The following ASTN1 variants were observed in gnomAD, a reference collection of about 807,000 sequenced individuals.
ASTN1 encodes astrotactin 1.
ASTN1 carries 41 observed loss-of-function variants against 140.7 expected under a neutral mutation model. That is an observed-to-expected ratio of 0.29 (90% CI 0.23 to 0.38). The LOEUF (loss-of-function observed/expected upper bound fraction) is 0.38, where lower values mean the gene tolerates loss of function less well. Ranked by LOEUF, ASTN1 falls within the 10% of genes least tolerant of loss-of-function variation. The pLI is 1.00. For missense variants in ASTN1, 1,479 were observed against 1,678.8 expected, an observed-to-expected ratio of 0.88 and a Z score of 2.08; for synonymous variants, 640 against 652.2, an observed-to-expected ratio of 0.98 and a Z score of 0.29.
Position 177,164,710 on chromosome 1 carries a change from G to C in ASTN1, c.-34C>G, listed in dbSNP as rs1348177468. ...CCGGCCGCCTTCCTCCTAGCGCTGC[G>C]ATGGTGGGGGAGGAAGCGAGCGGGG... On this transcript the variant is annotated 5_prime_UTR_variant, in exon 1 of 23. In the 5' UTR this introduces an upstream ATG that the reference lacks. Coordinates refer to ENST00000361833, the MANE Select transcript of ASTN1 (RefSeq NM_004319.3). 1.3e-6 allele frequency: 2 copies of C among 1,511,926 alleles called. No homozygotes were observed. The highest frequency in any genetic ancestry group is 2.8e-5 in the African/African-American group (2 of 71,310). 93.7% of individuals were successfully genotyped at this position (1,511,926 alleles called of 1,614,324 possible).
Position 177,164,626 on chromosome 1 carries a change from C to T in ASTN1, c.51G>A (p.Ala17=), listed in dbSNP as rs968092162. ...CALLACCWGP[A]AVLATAAGDV... is the part of the protein sequence containing the mutation. ...CGCCGGCGGCCGTGGCCAGCACCGC[C>T]GCCGGCCCCCAGCAGCAGGCGAGCA... The change falls in exon 1 of 23, where the codon GCG becomes GCA. Residue 17 remains alanine, a synonymous_variant. Transcript: ENST00000361833. 10 of 1,608,598 alleles carry T rather than the reference C, an allele frequency of 6.2e-6. No individual in the cohort carries two copies. In the Admixed American group the frequency reaches 6.8e-5, roughly 11 times the overall value.
chr1:176,979,655 G>C (rs537444399), intron 8 of ASTN1, among the ~76,000 whole-genome samples: 1 of 152,038 alleles, frequency 6.6e-6, no homozygotes, highest in Admixed American at 6.5e-5. Flanking sequence ...AGCAGCATGC[G>C]GCAGAGTTCA....
intron 20 of ASTN1, among the ~76,000 whole-genome samples, chr1:176,879,324 T>C (rs372302103): frequency 7.2e-5 from 11 of 152,236 alleles, no homozygotes; most frequent in Non-Finnish European, 1.5e-4. Flanking sequence ...GCCCTGAGCA[T>C]GGTGTTGGAA....
intron 4 of ASTN1, among the ~76,000 whole-genome samples, chr1:177,030,118 G>T (rs1228213277): frequency 6.6e-6 from 1 of 152,198 alleles, no homozygotes; most frequent in African/African-American, 2.4e-5. Flanking sequence ...ACATCTTTGT[G>T]TTTTTTCTGG....
intron 1 of ASTN1, among the ~76,000 whole-genome samples, chr1:177,138,291 A>T (rs137977977): frequency 9.3e-4 from 142 of 152,240 alleles, no homozygotes; most frequent in African/African-American, 3.3e-3. Flanking sequence ...GATGCTAGAG[A>T]TCTCTTATCA....
At chr1:176,934,723 C>T (rs75150898) in intron 15 of ASTN1, among the ~76,000 whole-genome samples, 2,360 of 151,536 alleles carry the variant, frequency 0.016, 58 homozygotes, top group African/African-American at 0.051. Flanking sequence ...AACAGAAACA[C>T]AAATACCAGC....
At chr1:177,030,674 G>C in intron 4 of ASTN1, 132 bp downstream of exon 4, 1 of 1,243,360 alleles carries the variant, frequency 8.0e-7, no homozygotes, top group Non-Finnish European at 1.1e-6. Flanking sequence ...CATTTAACTG[G>C]CCTCCAGAAA....
intron 8 of ASTN1, among the ~76,000 whole-genome samples, chr1:177,005,345 G>A (rs1048454472): frequency 1.3e-5 from 2 of 152,128 alleles, no homozygotes; most frequent in Non-Finnish European, 2.9e-5. Flanking sequence ...GCATGGATGT[G>A]GTGAAAAAGG....
chr1:177,159,066 CAAAAAAAAAA>C (rs57759902), intron 1 of ASTN1, among the ~76,000 whole-genome samples: 1 of 74,650 alleles, frequency 1.3e-5, no homozygotes, highest in East Asian at 3.6e-4. Context: ...GGATCCATCT[CAAAAAAAAAA>C]AAAAAAAAAA....
At chr1:177,082,934 C>T (rs928346315) in intron 1 of ASTN1, among the ~76,000 whole-genome samples, 1 of 152,194 alleles carries the variant, frequency 6.6e-6, no homozygotes, top group Admixed American at 6.5e-5. Context: ...TATTTTTCTA[C>T]ATCCTGTCTG....
chr1:177,144,654 C>T (rs569634101), intron 1 of ASTN1, among the ~76,000 whole-genome samples: 1 of 149,972 alleles, frequency 6.7e-6, no homozygotes, highest in Admixed American at 6.7e-5. Context: ...GGAACCACAG[C>T]TTTAAAATTT....
At chr1:176,884,530 C>G in intron 18 of ASTN1, 40 bp from the exon 19 acceptor site, 1 of 1,575,494 alleles carries the variant, frequency 6.3e-7, no homozygotes, top group Admixed American at 1.7e-5. Context: ...AGGGACACAA[C>G]TGTGACTCAC....
At chr1:177,114,877 T>C (rs955917393) in intron 1 of ASTN1, among the ~76,000 whole-genome samples, 1 of 152,198 alleles carries the variant, frequency 6.6e-6, no homozygotes, top group Non-Finnish European at 1.5e-5. Context: ...ATGATGACCA[T>C]GAACTTTTCC....
Position 176,861,660 on chromosome 1 carries a change from G to T in ASTN1, c.*2624C>A. ...GAATGTAAGTAGGAGCCAGTCATAG[G>T]AGTTGTGTGCATTGTGTGTGCACAC... On this transcript the variant is annotated 3_prime_UTR_variant, in exon 23 of 23. Coordinates refer to ENST00000361833, the MANE Select transcript of ASTN1 (RefSeq NM_004319.3). 1.0e-6 allele frequency: 1 copy of T among 985,414 alleles called. No individual in the cohort carries two copies. The highest frequency in any genetic ancestry group is 1.2e-6 in the Non-Finnish European group (1 of 829,968). The allele number at this position is 985,414 out of a possible 1,614,324, so 61.0% of individuals were successfully genotyped here.
chr1:176,897,151 T>C (rs891154249), intron 16 of ASTN1, among the ~76,000 whole-genome samples: 1 of 151,796 alleles, frequency 6.6e-6, no homozygotes, highest in African/African-American at 2.4e-5. Flanking sequence ...GGCGCACGCC[T>C]GTAATCCCAG....
chr1:176,969,460 G>A (rs1312831758), intron 8 of ASTN1, among the ~76,000 whole-genome samples: 1 of 152,176 alleles, frequency 6.6e-6, no homozygotes, highest in Admixed American at 6.5e-5. Flanking sequence ...GGCCGGGTAA[G>A]CAGAGGCTTC....
Position 177,032,766 on chromosome 1 carries a change from C to T in ASTN1, c.555G>A (p.Arg185=). Residue 185 remains arginine (R), a synonymous_variant, in exon 3 of 23, where the codon CGG becomes CGA. Coordinates refer to ENST00000361833, the MANE Select transcript of ASTN1 (RefSeq NM_004319.3). ...TGGCACTCTTCTGGGGCTGCGGGAC[C>T]CGGCGGCGTTTGCACCAGCGCCGGC... ...YTRRRWCKRR[R]VPQPQKSASA... 2 of 1,613,432 alleles carry T rather than the reference C, an allele frequency of 1.2e-6. No homozygotes were observed. Among genetic ancestry groups the T allele is most frequent in the Non-Finnish European group, 1.7e-6 (2 of 1,180,016 alleles).
chr1:176,869,847 C>T (rs1331801612), intron 21 of ASTN1, among the ~76,000 whole-genome samples: 1 of 152,148 alleles, frequency 6.6e-6, no homozygotes, highest in East Asian at 1.9e-4. Flanking sequence ...GAGGCACTGT[C>T]AGGCAGTGCT....
chr1:177,034,823 A>G (rs1182210976), intron 2 of ASTN1, among the ~76,000 whole-genome samples: 1 of 152,248 alleles, frequency 6.6e-6, no homozygotes. Flanking sequence ...GTTGTCAGAC[A>G]TTGAATTAAG....
Sources: gnomAD v4.1 joint callset for allele counts (sites outside exome capture counted in the v4.1 genomes callset) on GRCh38, gnomAD v4.1.1 for gene constraint, MANE v1.5 for transcripts, NCBI Gene and HGNC (gene_info 2026-07-23, HGNC 2026-07-21) for gene names.